NTPCR: variants seen among roughly 807,000 people sequenced by gnomAD.
NTPCR encodes cancer-related nucleoside-triphosphatase.
NTPCR carries 15 observed loss-of-function variants against 19.5 expected under a neutral mutation model. The observed-to-expected ratio is 0.77, with a 90% CI of 0.51 to 1.18. The LOEUF is 1.18. Ranked by LOEUF, NTPCR falls within the 50% of genes most tolerant of loss-of-function variation. The probability of loss-of-function intolerance (pLI) is 0.00; values close to 1 mark genes in which losing one functional copy is unlikely to be tolerated. For missense variants in NTPCR, 206 were observed against 240.4 expected, an observed-to-expected ratio of 0.86 and a Z score of 0.95; for synonymous variants, 90 against 95.8, an observed-to-expected ratio of 0.94 and a Z score of 0.36.
At chr1:232,977,793 G>A (rs1311689569) in intron 4 of NTPCR, among the ~76,000 whole-genome samples, 3 of 152,032 alleles carry the variant, frequency 2.0e-5, no homozygotes, top group African/African-American at 7.2e-5. Flanking sequence ...TCTCCTCCTC[G>A]CTTCACTCCA....
In NTPCR at chr1:232,976,270, G is replaced by T. The variant is rs1160898924; in HGVS notation, c.505-1893G>T. On this transcript the variant is annotated intron_variant, in intron 4 of 4. Coordinates refer to ENST00000366628, the MANE Select transcript of NTPCR (RefSeq NM_032324.3). ...TCTGTCACTTTAAATTATCATTTTT[G>T]TGGTGATGACATTCAAAATCTTCTC... 11 of 1,410,644 alleles carry T rather than the reference G, an allele frequency of 7.8e-6. No homozygotes were observed. In the South Asian group the frequency reaches 1.2e-4, roughly 15 times the overall value. The allele number at this position is 1,410,644 out of a possible 1,614,324, so 87.4% of individuals were successfully genotyped here.
At chr1:232,973,116 T>C (rs1669027715) in intron 4 of NTPCR, among the ~76,000 whole-genome samples, 1 of 152,152 alleles carries the variant, frequency 6.6e-6, no homozygotes, top group African/African-American at 2.4e-5. Flanking sequence ...ATGCGTAGTG[T>C]GAAGATGAGA....
intron 3 of NTPCR, chr1:232,966,813 T>A (rs1172148578): frequency 3.9e-5 from 6 of 152,162 alleles, no homozygotes; most frequent in Admixed American, 3.9e-4. Context: ...AAGGCTAGTG[T>A]GTTACATAGG....
intron 3 of NTPCR, among the ~76,000 whole-genome samples, chr1:232,957,316 T>C (rs1156437620): frequency 3.3e-5 from 5 of 152,206 alleles, no homozygotes; most frequent in Admixed American, 2.0e-4. Context: ...AGAGAAGCCA[T>C]GTGGGCTAGG....
rs556353278 is a variant in NTPCR, at chr1:232,963,033, C to T, written c.294+6590C>T. The T allele has an allele frequency of 2.0e-5, 3 of 152,330 alleles. No individual in the cohort carries two copies. The South Asian group carries it at 6.2e-4, about 32-fold the overall frequency. 9.4% of individuals were successfully genotyped at this position (152,330 alleles called of 1,614,324 possible). The stretch of plus-strand genomic sequence containing the variant: ...CTTGAAAGATTGACAAGCTCCTCAG[C>T]ATTGCTAGAATTTCTGTCATTGCTG... On this transcript the variant is annotated intron_variant, in intron 3 of 4. Transcript: ENST00000366628.
At chr1:232,975,980 G>A (rs993709349) in intron 4 of NTPCR, among the ~76,000 whole-genome samples, 1 of 152,112 alleles carries the variant, frequency 6.6e-6, no homozygotes. Context: ...CTTGCATTTG[G>A]GAGTGTGCTT....
intron 1 of NTPCR, among the ~76,000 whole-genome samples, chr1:232,952,531 G>A (rs753758238): frequency 7.3e-5 from 11 of 151,658 alleles, no homozygotes. Context: ...TTCTTATTGA[G>A]ACAGGGCCTC....
chr1:232,955,159 C>T (rs1444713724), intron 1 of NTPCR, among the ~76,000 whole-genome samples: 1 of 152,096 alleles, frequency 6.6e-6, no homozygotes, highest in African/African-American at 2.4e-5. Flanking sequence ...ATTCCCAGCC[C>T]CTGACTCAAG....
intron 2 of NTPCR, 39 bp from the exon 3 acceptor site, chr1:232,956,308 G>T (rs1211572803): frequency 7.0e-7 from 1 of 1,431,600 alleles, no homozygotes; most frequent in Admixed American, 1.7e-5. Context: ...AATCAATACA[G>T]GAGTTTTTCA....
At chr1:232,959,886 G>A (rs965736576) in intron 3 of NTPCR, among the ~76,000 whole-genome samples, 1 of 152,002 alleles carries the variant, frequency 6.6e-6, no homozygotes, top group African/African-American at 2.4e-5. Flanking sequence ...AGGCCAAGCA[G>A]GGCTATGCCT....
At chr1:232,964,409 A>G (rs1668758679) in intron 3 of NTPCR, 1 of 152,200 alleles carries the variant, frequency 6.6e-6, no homozygotes, top group South Asian at 2.1e-4. Context: ...CTGTATAGTT[A>G]CTATTTTTTT....
chr1:232,978,870 T>C lies in NTPCR; in HGVS notation c.*639T>C, dbSNP rs1669218598. 1 of 152,232 alleles carries C rather than the reference T, an allele frequency of 6.6e-6. No homozygotes were observed. The highest frequency in any genetic ancestry group is 2.4e-5 in the African/African-American group (1 of 41,450). The allele number at this position is 152,232 out of a possible 1,614,324, so 9.4% of individuals were successfully genotyped here. On this transcript the variant is annotated 3_prime_UTR_variant, in exon 5 of 5. Transcript: ENST00000366628. Reference sequence around the variant, plus strand: ...AGCATCTGATATTCAGCCGACCAGATGACAAGAGCTCAGGCCCACGGGTTT... The same window carrying C: ...AGCATCTGATATTCAGCCGACCAGACGACAAGAGCTCAGGCCCACGGGTTT...
chr1:232,970,996 C>A (rs1309990369), intron 4 of NTPCR, among the ~76,000 whole-genome samples: 1 of 152,224 alleles, frequency 6.6e-6, no homozygotes, highest in African/African-American at 2.4e-5. Context: ...CTTTGAGAAG[C>A]ACTGCTGTAG....
Position 232,955,553 on chromosome 1 carries a change from T to TTTTTG in NTPCR, c.35-3_35-2insTTTGT. 6.5e-7 allele frequency: 1 copy of TTTTTG among 1,534,866 alleles called. No individual in the cohort carries two copies. Among genetic ancestry groups the TTTTTG allele is most frequent in the East Asian group, 2.3e-5 (1 of 42,730 alleles). ...TTCTTTTTTTTTTTTTTTTTTTATTTTAGGAGTTGGAAAAACAACATTGAT... is the reference window on the plus strand; with the variant it reads ...TTCTTTTTTTTTTTTTTTTTTTATTTTTTTGTAGGAGTTGGAAAAACAACATTGAT... On this transcript the variant is annotated splice_region_variant and splice_polypyrimidine_tract_variant and intron_variant, in intron 1 of 4. Transcript: ENST00000366628.
At chr1:232,957,313 C>T (rs951079623) in intron 3 of NTPCR, among the ~76,000 whole-genome samples, 3 of 151,916 alleles carry the variant, frequency 2.0e-5, no homozygotes, top group African/African-American at 7.3e-5. Context: ...ACTAGAGAAG[C>T]CATGTGGGCT....
chr1:232,978,060 C>G (rs999037456), intron 4 of NTPCR, 103 bp from the exon 5 acceptor site: 1 of 925,272 alleles, frequency 1.1e-6, no homozygotes, highest in African/African-American at 1.6e-5. Flanking sequence ...ACATACCTCA[C>G]CCTCTCCCAG....
At chr1:232,955,527 CTTCT>C in intron 1 of NTPCR, 26 bp from the exon 2 acceptor site, 4 of 1,343,916 alleles carry the variant, frequency 3.0e-6, no homozygotes, top group Non-Finnish European at 4.0e-6. Context: ...ATGGGCTTTT[CTTCT>C]TTTTTTTTTT....
chr1:232,955,980 A>T (rs1668501982), intron 2 of NTPCR, among the ~76,000 whole-genome samples: 1 of 152,192 alleles, frequency 6.6e-6, no homozygotes, highest in South Asian at 2.1e-4. Flanking sequence ...ACATGAAAAA[A>T]GTATAAGAAA....
In NTPCR at chr1:232,969,897, T is replaced by C. The variant is rs1358879776; in HGVS notation, c.295-12T>C. 6 of 1,612,424 alleles carry C rather than the reference T, an allele frequency of 3.7e-6. No individual in the cohort carries two copies. The Admixed American group carries it at 8.3e-5, about 22-fold the overall frequency. The stretch of plus-strand genomic sequence containing the variant: ...ACTCTGATGTCCCAGTGAAAGTCTT[T>C]GTCATTCTCAGGCCGACTGCAGCAG... On this transcript the variant is annotated splice_polypyrimidine_tract_variant and intron_variant, in intron 3 of 4. Transcript: ENST00000366628.
Sources: allele counts gnomAD v4.1 joint callset (sites outside exome capture counted in the v4.1 genomes callset), GRCh38; gene constraint gnomAD v4.1.1; transcripts MANE v1.5; gene names NCBI Gene and HGNC (gene_info 2026-07-23, HGNC 2026-07-21).